Variants in IQCJ observed in about 807,000 individuals in gnomAD.
IQCJ encodes IQ motif containing J, also known as IQ domain-containing protein J.
Under a neutral mutation model 11.0 loss-of-function variants are expected in IQCJ, and 9 were observed. The ratio of observed to expected loss-of-function variants is 0.82; its 90% confidence interval spans 0.49 to 1.43. The LOEUF is 1.43. Among genes scored for constraint, IQCJ ranks in the 40% most tolerant of loss-of-function variants. The pLI, the probability that IQCJ is intolerant of heterozygous loss-of-function variation, is 0.00. For synonymous variants in IQCJ, 55 were observed against 51.3 expected (o/e 1.07, Z -0.31); for missense variants, 146 against 133.2 (o/e 1.10, Z -0.47).
chr3:159,136,511 C>T (rs1236634856), intron 1 of IQCJ, among the ~76,000 whole-genome samples: 1 of 152,154 alleles, frequency 6.6e-6, no homozygotes, highest in African/African-American at 2.4e-5. Context: ...GCTGCTATAA[C>T]AACGCCATAA....
In IQCJ at chr3:159,215,198, G is replaced by T. The variant is rs146197616; in HGVS notation, c.10-30645G>T. ...AAATGGAAAGTCATGGAGAAATGTG[G>T]CTGAGACAATGGAAGTATGAAGTAA... On this transcript the variant is annotated intron_variant, in intron 1 of 3. Coordinates refer to ENST00000397832, the MANE Select transcript of IQCJ (RefSeq NM_001042706.3). Among the ~76,000 whole-genome samples, 44 of 152,258 alleles carry T rather than the reference G, an allele frequency of 2.9e-4. No individual in the cohort carries two copies. The East Asian group carries it at 7.9e-3, about 27-fold the overall frequency.
intron 1 of IQCJ, among the ~76,000 whole-genome samples, chr3:159,213,005 G>A (rs1165684760): frequency 6.6e-6 from 1 of 151,940 alleles, no homozygotes; most frequent in South Asian, 2.1e-4. Flanking sequence ...TTTATTGAGC[G>A]AACTTACAGA....
At chr3:159,150,583 A>G (rs1577042553) in intron 1 of IQCJ, among the ~76,000 whole-genome samples, 2 of 146,178 alleles carry the variant, frequency 1.4e-5, no homozygotes, top group East Asian at 4.0e-4. Context: ...CATTGTCCCC[A>G]ACACACACAC....
intron 1 of IQCJ, among the ~76,000 whole-genome samples, chr3:159,090,349 G>A (rs1460241060): frequency 6.6e-6 from 1 of 151,824 alleles, no homozygotes; most frequent in East Asian, 1.9e-4. Context: ...TGGAAATGCA[G>A]AAATCACCCG....
At chr3:159,199,535 T>G (rs1197064804) in intron 1 of IQCJ, among the ~76,000 whole-genome samples, 4 of 152,220 alleles carry the variant, frequency 2.6e-5, no homozygotes, top group Non-Finnish European at 5.9e-5. Flanking sequence ...TTTAAACTAC[T>G]AAGTTTGTGG....
At chr3:159,213,050 A>C (rs1215889511) in intron 1 of IQCJ, among the ~76,000 whole-genome samples, 1 of 152,158 alleles carries the variant, frequency 6.6e-6, no homozygotes. Context: ...CAAGGCAGGT[A>C]GATCTCCACA....
intron 1 of IQCJ, among the ~76,000 whole-genome samples, chr3:159,110,213 A>G (rs562780843): frequency 3.9e-5 from 6 of 152,244 alleles, no homozygotes; most frequent in African/African-American, 9.6e-5. Context: ...AGATTAATTT[A>G]TCTAAGGTTT....
chr3:159,235,085 G>A (rs1726499540), intron 1 of IQCJ, among the ~76,000 whole-genome samples: 3 of 152,114 alleles, frequency 2.0e-5, no homozygotes. Context: ...TCTGAGAGGT[G>A]TTTATTTGTT....
chr3:159,163,138 C>CA (rs1721966990), intron 1 of IQCJ, among the ~76,000 whole-genome samples: 1 of 152,276 alleles, frequency 6.6e-6, no homozygotes, highest in Admixed American at 6.5e-5. Flanking sequence ...AATTTGAGAC[C>CA]AATATCCTTG....
At chr3:159,192,648 G>T (rs1723758230) in intron 1 of IQCJ, among the ~76,000 whole-genome samples, 2 of 152,190 alleles carry the variant, frequency 1.3e-5, no homozygotes, top group South Asian at 2.1e-4. Context: ...TAGGCAAGGA[G>T]GCCCTCTTCA....
chr3:159,114,722 T>A (rs1039254564), intron 1 of IQCJ, among the ~76,000 whole-genome samples: 1 of 152,088 alleles, frequency 6.6e-6, no homozygotes, highest in African/African-American at 2.4e-5. Context: ...TGCTCTGGAG[T>A]GCTCTGCGCA....
At chr3:159,086,493 TA>T (rs1302285709) in intron 1 of IQCJ, among the ~76,000 whole-genome samples, 1 of 152,234 alleles carries the variant, frequency 6.6e-6, no homozygotes, top group African/African-American at 2.4e-5. Context: ...ATTGAATGTG[TA>T]AATTACCTTG....
intron 1 of IQCJ, among the ~76,000 whole-genome samples, chr3:159,107,562 C>T (rs980098120): frequency 2.0e-5 from 3 of 152,180 alleles, no homozygotes; most frequent in Non-Finnish European, 2.9e-5. Flanking sequence ...GATAATGAAG[C>T]TTCTGTCCAA....
At chr3:159,131,506 T>C (rs1433481246) in intron 1 of IQCJ, among the ~76,000 whole-genome samples, 1 of 152,184 alleles carries the variant, frequency 6.6e-6, no homozygotes, top group African/African-American at 2.4e-5. Context: ...GTGCCTAGTA[T>C]CTGGCAAGGA....
intron 1 of IQCJ, among the ~76,000 whole-genome samples, chr3:159,148,514 G>T (rs1206073070): frequency 1.3e-5 from 2 of 152,170 alleles, no homozygotes; most frequent in East Asian, 1.9e-4. Flanking sequence ...GAATCTGTAA[G>T]ATATATGCTT....
Position 159,263,254 on chromosome 3 carries a change from C to A in IQCJ, c.*523C>A. 3.2e-6 allele frequency: 1 copy of A among 310,386 alleles called. No homozygotes were observed. The highest frequency in any genetic ancestry group is 4.7e-6 in the Non-Finnish European group (1 of 212,878). 19.2% of individuals were successfully genotyped at this position (310,386 alleles called of 1,614,324 possible). A position where few individuals can be genotyped will look rare whatever the true frequency, so the allele number is the denominator to read the frequency against. On this transcript the variant is annotated 3_prime_UTR_variant, in exon 4 of 4. Coordinates refer to ENST00000397832, the MANE Select transcript of IQCJ (RefSeq NM_001042706.3). ...ATGTGACACCATGTGGCGATACAGG[C>A]AGGCATGGCCAAATGTGATTTTCTT...
At chr3:159,225,782 T>C (rs1725822175) in intron 1 of IQCJ, among the ~76,000 whole-genome samples, 1 of 152,040 alleles carries the variant, frequency 6.6e-6, no homozygotes, top group South Asian at 2.1e-4. Context: ...TAGCAATAGA[T>C]ACCACAAGTT....
intron 1 of IQCJ, among the ~76,000 whole-genome samples, chr3:159,133,401 A>G (rs967230195): frequency 6.6e-6 from 1 of 152,250 alleles, no homozygotes; most frequent in African/African-American, 2.4e-5. Context: ...ACAAATTCCC[A>G]AGTCTGCATG....
chr3:159,091,880 A>G (rs1717335543), intron 1 of IQCJ, among the ~76,000 whole-genome samples: 1 of 151,730 alleles, frequency 6.6e-6, no homozygotes, highest in South Asian at 2.1e-4. Flanking sequence ...GCAGAAAGCT[A>G]TGCTTCATAG....
Sources: allele counts gnomAD v4.1 joint callset (sites outside exome capture counted in the v4.1 genomes callset), GRCh38; gene constraint gnomAD v4.1.1; transcripts MANE v1.5; gene names NCBI Gene and HGNC (gene_info 2026-07-23, HGNC 2026-07-21).